PFKFB1: variants seen among roughly 807,000 people sequenced by gnomAD.
PFKFB1 encodes the protein 6-phosphofructo-2-kinase/fructose-2,6-biphosphatase 1.
PFKFB1 carries 34 observed loss-of-function variants against 46.4 expected under a neutral mutation model. That is an observed-to-expected ratio of 0.73 (90% CI 0.56 to 0.98). The LOEUF is 0.98. Ranked by LOEUF, PFKFB1 falls within the 50% of genes least tolerant of loss-of-function variation. The pLI, the probability that PFKFB1 is intolerant of heterozygous loss-of-function variation, is 0.00. For synonymous variants in PFKFB1, 119 were observed against 133.8 expected, an observed-to-expected ratio of 0.89 and a Z score of 0.76; for missense variants, 393 against 376.3, an observed-to-expected ratio of 1.04 and a Z score of -0.37.
intron 10 of PFKFB1, among the ~76,000 whole-genome samples, chrX:54,941,445 G>C (rs1385066200): frequency 1.8e-5 from 2 of 112,042 alleles, no homozygotes; most frequent in African/African-American, 3.2e-5. Context: ...TACCATCAGA[G>C]TGAACAGGCA....
At chrX:54,952,549 C>CTT (rs370373133) in intron 7 of PFKFB1, among the ~76,000 whole-genome samples, 3,438 of 100,683 alleles carry the variant, frequency 0.034, 186 homozygotes, top group African/African-American at 0.12. Flanking sequence ...CTTCACTCCT[C>CTT]TTTTTTTTTT....
chrX:54,986,268 A>G (rs1200205639), intron 1 of PFKFB1, among the ~76,000 whole-genome samples: 1 of 112,213 alleles, frequency 8.9e-6, no homozygotes, highest in Non-Finnish European at 1.9e-5. Flanking sequence ...CCTGGGCAAC[A>G]TAGTGAGACT....
chrX:54,971,517 A>C (rs1234194241), intron 1 of PFKFB1, among the ~76,000 whole-genome samples: 3 of 111,754 alleles, frequency 2.7e-5, no homozygotes, highest in Non-Finnish European at 5.6e-5. Flanking sequence ...TTTTTGTATA[A>C]GGTGTAAGGA....
chrX:54,998,048 G>C (rs1285931254), upstream of PFKFB1, among the ~76,000 whole-genome samples: 1 of 111,934 alleles, frequency 8.9e-6, no homozygotes, highest in Non-Finnish European at 1.9e-5. Flanking sequence ...AGAAGCAAGA[G>C]AGCTTGTTCA....
chrX:54,985,303 G>A (rs769053789), intron 1 of PFKFB1, among the ~76,000 whole-genome samples: 1 of 111,298 alleles, frequency 9.0e-6, no homozygotes, highest in South Asian at 3.8e-4. Context: ...CATGCTTCAG[G>A]ACACTGCCAA....
intron 2 of PFKFB1, 73 bp from the exon 3 acceptor site, chrX:54,960,990 A>T (rs1393819531): frequency 1.7e-6 from 1 of 603,544 alleles, no homozygotes; most frequent in African/African-American, 2.2e-5. Flanking sequence ...GCTGGGAGGG[A>T]CCTCAGAGGT....
At chrX:54,959,931 TC>T in intron 3 of PFKFB1, 38 bp from the exon 4 acceptor site, 1 of 973,368 alleles carries the variant, frequency 1.0e-6, no homozygotes, top group Non-Finnish European at 1.5e-6. Context: ...GCAACCCTTA[TC>T]CCCCAGGATG....
intron 1 of PFKFB1, among the ~76,000 whole-genome samples, chrX:54,980,234 C>T (rs776789970): frequency 1.3e-4 from 14 of 111,086 alleles, no homozygotes; most frequent in Non-Finnish European, 2.5e-4. Context: ...TGTTTTAAGC[C>T]ACTACGTTTT....
chrX:54,936,469 C>T (rs773476366), intron 11 of PFKFB1, among the ~76,000 whole-genome samples: 3 of 111,550 alleles, frequency 2.7e-5, no homozygotes, highest in Non-Finnish European at 3.8e-5. Context: ...ATGTCTGAGA[C>T]GGGAAGTCCT....
At position 54,942,798 on chromosome X, in the gene PFKFB1, T is replaced by C. The variant is rs756508439; in HGVS notation, c.1098+2641A>G. Reference sequence around the variant, plus strand: ...GGAAGAAACAAGATGCCATCAAATATACAATGTAGATTTGAAAAATAACTA... The same window carrying C: ...GGAAGAAACAAGATGCCATCAAATACACAATGTAGATTTGAAAAATAACTA... On this transcript the variant is annotated intron_variant, in intron 10 of 13. Transcript: ENST00000375006. Among the ~76,000 whole-genome samples, 8 of 112,162 alleles carry C rather than the reference T, an allele frequency of 7.1e-5. No homozygotes were observed. The South Asian group carries it at 3.0e-3, about 42-fold the overall frequency.
chrX:54,945,565 C>A (rs368930293), intron 9 of PFKFB1, 22 bp from the exon 10 acceptor site: 3 of 948,971 alleles, frequency 3.2e-6, no homozygotes, highest in South Asian at 2.2e-5. Flanking sequence ...TATTTGGGGG[C>A]GAAAGTATTC....
chrX:54,976,167 T>C, intron 1 of PFKFB1, among the ~76,000 whole-genome samples: 1 of 111,503 alleles, frequency 9.0e-6, no homozygotes, highest in Non-Finnish European at 1.9e-5. Context: ...CATATTAACA[T>C]TTTTTTATCT....
intron 10 of PFKFB1, among the ~76,000 whole-genome samples, chrX:54,939,361 A>C (rs1933529524): frequency 8.9e-6 from 1 of 111,847 alleles, no homozygotes; most frequent in Non-Finnish European, 1.9e-5. Context: ...ACACATTCAA[A>C]AGCTAGCAGA....
At chrX:54,998,695 A>G (rs1421135788), upstream of PFKFB1, among the ~76,000 whole-genome samples, 3 of 112,545 alleles carry the variant, frequency 2.7e-5, no homozygotes, top group African/African-American at 9.7e-5. Context: ...ACTAATATTA[A>G]CAAGCCACTG....
chrX:54,958,684 T>C (rs1354318506), intron 5 of PFKFB1, among the ~76,000 whole-genome samples, 167 bp downstream of exon 5: 1 of 111,794 alleles, frequency 8.9e-6, no homozygotes, highest in East Asian at 2.8e-4. Flanking sequence ...CCCTCCTTTC[T>C]TGTTCTGCTT....
chrX:54,949,756 T>C (rs780897845), intron 8 of PFKFB1, among the ~76,000 whole-genome samples: 5 of 112,609 alleles, frequency 4.4e-5, no homozygotes, highest in Non-Finnish European at 7.5e-5. Context: ...ACAGGCCATG[T>C]AGGCACTGAT....
chrX:54,950,775 G>A (rs931835842), intron 8 of PFKFB1, among the ~76,000 whole-genome samples: 1 of 112,573 alleles, frequency 8.9e-6, no homozygotes, highest in Non-Finnish European at 1.9e-5. Flanking sequence ...GAGGCTGTCA[G>A]TCTGGAGGTA....
chrX:54,933,954 C>T, intron 12 of PFKFB1, 69 bp from the exon 13 acceptor site: 1 of 828,301 alleles, frequency 1.2e-6, no homozygotes, highest in Non-Finnish European at 1.8e-6. Context: ...GAGGTATCAC[C>T]TCCCCTCCCC....
intron 8 of PFKFB1, among the ~76,000 whole-genome samples, chrX:54,950,416 G>T (rs900350889): frequency 1.8e-5 from 2 of 111,921 alleles, no homozygotes; most frequent in African/African-American, 6.5e-5. Context: ...ATAGTGGATG[G>T]GGAGCACCCA....
Sources: gnomAD v4.1 joint callset for allele counts (sites outside exome capture counted in the v4.1 genomes callset) on GRCh38, gnomAD v4.1.1 for gene constraint, MANE v1.5 for transcripts, NCBI Gene and HGNC (gene_info 2026-07-23, HGNC 2026-07-21) for gene names.